SLIT3: variants seen among roughly 807,000 people sequenced by gnomAD.
The protein encoded by SLIT3 is slit homolog 3 protein.
A neutral mutation model predicts 184.0 loss-of-function variants in SLIT3; 68 were observed. The ratio of observed to expected loss-of-function variants is 0.37; its 90% CI spans 0.30 to 0.45. The LOEUF (loss-of-function observed/expected upper bound fraction) is 0.45, where lower values mean the gene tolerates loss of function less well. Ranked by LOEUF, SLIT3 falls within the 20% of genes least tolerant of loss-of-function variation. The probability of loss-of-function intolerance (pLI) is 1.00; values close to 1 mark genes in which losing one functional copy is unlikely to be tolerated. For missense variants in SLIT3, 1,707 were observed against 2,026.0 expected (o/e 0.84, Z 3.02); for synonymous variants, 831 against 828.6 (o/e 1.00, Z -0.05).
At chr5:168,864,752 T>C (rs1192712043) in intron 5 of SLIT3, among the ~76,000 whole-genome samples, 3 of 152,238 alleles carry the variant, frequency 2.0e-5, no homozygotes, top group Non-Finnish European at 4.4e-5. Flanking sequence ...GGGCCATATA[T>C]ACTGATGAAG....
intron 4 of SLIT3, among the ~76,000 whole-genome samples, chr5:169,058,044 C>G (rs932248624): frequency 6.6e-5 from 10 of 152,218 alleles, no homozygotes; most frequent in Non-Finnish European, 1.5e-4. Flanking sequence ...CGACCCCACC[C>G]TGTAAGGTAT....
rs910113775 is a variant in SLIT3, at chr5:168,854,922, G to A, written c.486-10267C>T. Among the ~76,000 whole-genome samples the A allele has an allele frequency of 2.6e-5, 4 of 152,214 alleles. No individual in the cohort carries two copies. In the East Asian group the frequency reaches 7.7e-4, roughly 29 times the overall value. On this transcript the variant is annotated intron_variant, in intron 5 of 35. Coordinates refer to ENST00000519560, the MANE Select transcript of SLIT3 (RefSeq NM_003062.4). ...TTGTAATTAACTGCTGAAAAAAGGA[G>A]CATCAAAACTCAGCAGCACGTGCTG...
At chr5:169,100,843 A>G (rs1759981499) in intron 4 of SLIT3, among the ~76,000 whole-genome samples, 1 of 152,246 alleles carries the variant, frequency 6.6e-6, no homozygotes, top group Non-Finnish European at 1.5e-5. Flanking sequence ...CTCTGCGGTC[A>G]CTGGCAGATG....
chr5:169,073,406 G>A (rs975852417), intron 4 of SLIT3, among the ~76,000 whole-genome samples: 10 of 151,616 alleles, frequency 6.6e-5, no homozygotes, highest in Non-Finnish European at 1.3e-4. Flanking sequence ...TCTGTCATTC[G>A]TTCTCATCTT....
intron 4 of SLIT3, among the ~76,000 whole-genome samples, chr5:169,107,693 C>T (rs565953203): frequency 1.3e-3 from 199 of 152,288 alleles, no homozygotes; most frequent in African/African-American, 4.6e-3. Flanking sequence ...TCTGGCTGCC[C>T]GACTTCAGCT....
At chr5:169,248,321 C>T (rs1765666214) in intron 2 of SLIT3, among the ~76,000 whole-genome samples, 1 of 152,146 alleles carries the variant, frequency 6.6e-6, no homozygotes, top group South Asian at 2.1e-4. Context: ...CAAGTATCCA[C>T]ATCCCTTCCA....
At chr5:168,728,997 T>C (rs941105855) in intron 20 of SLIT3, among the ~76,000 whole-genome samples, 1 of 148,190 alleles carries the variant, frequency 6.7e-6, no homozygotes, top group Non-Finnish European at 1.5e-5. Context: ...AAATACAAAA[T>C]ACATTAGAAA....
rs918155963 is a variant in SLIT3 at position 168,662,763 on chromosome 5, G to C, written c.*3691C>G. 1.3e-5 allele frequency: 2 copies of C among 152,210 alleles called. No individual in the cohort carries two copies. The highest frequency in any genetic ancestry group is 2.4e-5 in the African/African-American group (1 of 41,448). The allele number at this position is 152,210 out of a possible 1,614,324, so 9.4% of individuals were successfully genotyped here. On this transcript the variant is annotated 3_prime_UTR_variant, in exon 36 of 36. Transcript: ENST00000519560. ...CCTTTCCTGAATCCTGCTCAGGGGG[G>C]ACACAGCTTGAGCGGCCTCTTCTGC...
chr5:168,856,882 C>G (rs1466165904), intron 5 of SLIT3, among the ~76,000 whole-genome samples: 1 of 151,648 alleles, frequency 6.6e-6, no homozygotes, highest in Non-Finnish European at 1.5e-5. Flanking sequence ...TACCCTCACT[C>G]AGGGCAGTGA....
intron 4 of SLIT3, among the ~76,000 whole-genome samples, chr5:168,983,514 C>T (rs1755021013): frequency 6.6e-6 from 1 of 152,190 alleles, no homozygotes; most frequent in South Asian, 2.1e-4. Context: ...GGGGTGGTAG[C>T]ACACAGTGGT....
intron 4 of SLIT3, among the ~76,000 whole-genome samples, chr5:169,163,216 G>A (rs901864675): frequency 3.3e-5 from 5 of 152,124 alleles, no homozygotes; most frequent in Admixed American, 6.5e-5. Context: ...AGCTACTCAG[G>A]AGGCTGAGGC....
chr5:169,288,356 T>C (rs551876272), intron 1 of SLIT3, among the ~76,000 whole-genome samples: 8 of 8,242 alleles, frequency 9.7e-4, no homozygotes, highest in African/African-American at 3.0e-3. Flanking sequence ...CCCCCTTGAG[T>C]TTTTTTTTAA....
intron 4 of SLIT3, among the ~76,000 whole-genome samples, chr5:169,069,472 A>T (rs540715838): frequency 6.6e-6 from 1 of 152,210 alleles, no homozygotes; most frequent in Admixed American, 6.5e-5. Context: ...AGCACTTCCC[A>T]TGTGCAGGCC....
At chr5:168,856,806 T>TGTGCGCGCGCGCGCGC (rs374432432) in intron 5 of SLIT3, among the ~76,000 whole-genome samples, 3 of 137,738 alleles carry the variant, frequency 2.2e-5, no homozygotes, top group African/African-American at 8.3e-5. Context: ...TGTGTGTGTG[T>TGTGCGCGCGCGCGCGC]GCGCGCGCGC....
intron 4 of SLIT3, chr5:169,022,692 G>T (rs567379952): frequency 2.0e-5 from 3 of 152,096 alleles, no homozygotes; most frequent in East Asian, 1.9e-4. Flanking sequence ...TGGTTTTTGC[G>T]GGGGGTAACA....
chr5:168,689,049 T>C (rs970510571), intron 29 of SLIT3, among the ~76,000 whole-genome samples: 3 of 152,212 alleles, frequency 2.0e-5, no homozygotes, highest in African/African-American at 7.2e-5. Context: ...CTTTTTCTTT[T>C]AAAATGCTAC....
intron 4 of SLIT3, among the ~76,000 whole-genome samples, chr5:168,972,376 T>TGTGTGTGTGTGTGTGTGTGTGTGG (rs1245225696): frequency 6.6e-6 from 1 of 150,676 alleles, no homozygotes; most frequent in African/African-American, 2.4e-5. Flanking sequence ...TGTGTGTGTG[T>TGTGTGTGTGTGTGTGTGTGTGTGG]GAAGAGAGAA....
chr5:169,056,457 A>G (rs568315231), intron 4 of SLIT3, among the ~76,000 whole-genome samples: 41 of 152,324 alleles, frequency 2.7e-4, no homozygotes, highest in African/African-American at 8.9e-4. Context: ...AGGCCCAGGC[A>G]TAACTGATTT....
chr5:169,114,803 G>C (rs551721089), intron 4 of SLIT3, among the ~76,000 whole-genome samples: 2 of 152,212 alleles, frequency 1.3e-5, no homozygotes, highest in Non-Finnish European at 2.9e-5. Context: ...CCCTGGCTCC[G>C]TGGCGGCAGA....
Sources: allele counts gnomAD v4.1 joint callset (sites outside exome capture counted in the v4.1 genomes callset), GRCh38; gene constraint gnomAD v4.1.1; transcripts MANE v1.5; gene names NCBI Gene and HGNC (gene_info 2026-07-23, HGNC 2026-07-21).